ZMYM4: variants seen among roughly 807,000 people sequenced by gnomAD.
ZMYM4 encodes zinc finger MYM-type protein 4.
A neutral mutation model predicts 183.2 loss-of-function variants in ZMYM4; 31 were observed. The observed-to-expected ratio is 0.17, with a 90% CI of 0.13 to 0.23. The LOEUF is 0.23. ZMYM4 is among the 10% of genes least tolerant of loss of function. The probability of loss-of-function intolerance (pLI) is 1.00; values close to 1 mark genes in which losing one functional copy is unlikely to be tolerated. For synonymous variants in ZMYM4, 592 were observed against 631.2 expected, an observed-to-expected ratio of 0.94 and a Z score of 0.93; for missense variants, 1,273 against 1,840.3, an observed-to-expected ratio of 0.69 and a Z score of 5.64.
At chr1:35,379,844 GAGC>G (rs1202025056) in intron 7 of ZMYM4, among the ~76,000 whole-genome samples, 2 of 152,180 alleles carry the variant, frequency 1.3e-5, no homozygotes, top group African/African-American at 4.8e-5. Context: ...CTGGTCAATG[GAGC>G]AGTCAGAACA....
At position 35,419,762 on chromosome 1, in the gene ZMYM4, T is replaced by C; in HGVS notation, c.*85T>C. 1.5e-6 allele frequency: 2 copies of C among 1,360,502 alleles called. No homozygotes were observed. The highest frequency in any genetic ancestry group is 2.1e-6 in the Non-Finnish European group (2 of 973,312). The allele number at this position is 1,360,502 out of a possible 1,614,324, so 84.3% of individuals were successfully genotyped here. A position where few individuals can be genotyped will look rare whatever the true frequency, so the allele number is the denominator to read the frequency against. On this transcript the variant is annotated 3_prime_UTR_variant, in exon 30 of 30. Coordinates refer to ENST00000314607, the MANE Select transcript of ZMYM4 (RefSeq NM_005095.3). ...CAGCTGTTGGAAAATGATGTATAAG[T>C]CTAAGTCCTCTTGACTTGACCATAA...
At chr1:35,377,352 C>T (rs1644357518) in intron 7 of ZMYM4, among the ~76,000 whole-genome samples, 1 of 152,154 alleles carries the variant, frequency 6.6e-6, no homozygotes, top group Admixed American at 6.5e-5. Context: ...AAAAGCAAAG[C>T]AGTCTAGAGC....
intron 2 of ZMYM4, among the ~76,000 whole-genome samples, chr1:35,327,296 T>C (rs1642547091): frequency 6.6e-6 from 1 of 152,244 alleles, no homozygotes; most frequent in Admixed American, 6.5e-5. Flanking sequence ...ATTAAGAACA[T>C]TGAATATGTA....
rs776810502 is a variant in ZMYM4, at chr1:35,347,098, C to T, written c.86-11827C>T. Among the ~76,000 whole-genome samples, 96 of 152,298 alleles carry T rather than the reference C, an allele frequency of 6.3e-4. 1 individual carries two copies. The highest frequency in any genetic ancestry group is 2.6e-4 in the Non-Finnish European group (18 of 68,014). ...TTGGCTCACTGCATCCTCTACCTCC[C>T]GGGTTCAAGCAGTTCTCCTGCCTCA... On this transcript the variant is annotated intron_variant, in intron 2 of 29. Transcript: ENST00000314607.
intron 2 of ZMYM4, among the ~76,000 whole-genome samples, chr1:35,354,445 G>T (rs1423177000): frequency 6.6e-6 from 1 of 152,124 alleles, no homozygotes; most frequent in Non-Finnish European, 1.5e-5. Context: ...GAATTGTTGG[G>T]CTGGGCGTGG....
chr1:35,397,185 A>C (rs990020672), intron 19 of ZMYM4, 192 bp from the exon 20 acceptor site: 7 of 1,078,514 alleles, frequency 6.5e-6, no homozygotes, highest in Non-Finnish European at 8.2e-6. Flanking sequence ...TGAGTGTCCA[A>C]AGCACTTATT....
At chr1:35,360,414 C>T (rs1643910423) in intron 3 of ZMYM4, among the ~76,000 whole-genome samples, 1 of 151,924 alleles carries the variant, frequency 6.6e-6, no homozygotes, top group Non-Finnish European at 1.5e-5. Flanking sequence ...CTATACCAGT[C>T]CTTGTATTTC....
chr1:35,272,869 C>T lies in ZMYM4; in HGVS notation c.39+3784C>T, dbSNP rs137984188. Among the ~76,000 whole-genome samples the T allele has an allele frequency of 4.2e-3, 636 of 152,190 alleles. 3 individuals carry two copies. The highest frequency in any genetic ancestry group is 0.014 in the African/African-American group (576 of 41,526). ...GACTACAGGCTCCCACCACCATGCC[C>T]GGCTAATTTTTTGTTTCTGTATTTT... On this transcript the variant is annotated intron_variant, in intron 1 of 29. Transcript: ENST00000314607.
intron 2 of ZMYM4, among the ~76,000 whole-genome samples, chr1:35,358,510 T>C (rs373338815): frequency 1.2e-4 from 19 of 152,226 alleles, no homozygotes; most frequent in African/African-American, 4.1e-4. Context: ...TGTTAGTAGG[T>C]CTTTTGTACA....
In ZMYM4 at chr1:35,370,118, G is replaced by A; in HGVS notation, c.925+5G>A. 6.2e-7 allele frequency: 1 copy of A among 1,612,422 alleles called. No individual in the cohort carries two copies. The highest frequency in any genetic ancestry group is 2.2e-5 in the East Asian group (1 of 44,810). On this transcript the variant is annotated splice_donor_5th_base_variant and intron_variant, in intron 6 of 29. Coordinates refer to ENST00000314607, the MANE Select transcript of ZMYM4 (RefSeq NM_005095.3). Reference sequence around the variant, plus strand: ...CAGTCAGTGGCAGCCCTCTTGGTAAGAAACAGACCTGAATAAATGGATTGT... The same window carrying A: ...CAGTCAGTGGCAGCCCTCTTGGTAAAAAACAGACCTGAATAAATGGATTGT...
At position 35,269,165 on chromosome 1, in the gene ZMYM4, T is replaced by TGGAGGGGTCGCCGAGGCCC. The variant is rs1048066446; in HGVS notation, c.39+81_39+99dup. ...CGGGAATGGGCCATACTCAGGTTCG[T>TGGAGGGGTCGCCGAGGCCC]GGAGGGGTCGCCGAGGCCCAGTTAG... On this transcript the variant is annotated intron_variant, in intron 1 of 29. Transcript: ENST00000314607. 4 of 1,519,620 alleles carry TGGAGGGGTCGCCGAGGCCC rather than the reference T, an allele frequency of 2.6e-6. No individual in the cohort carries two copies. The African/African-American group carries it at 5.6e-5, about 21-fold the overall frequency. 94.1% of individuals were successfully genotyped at this position (1,519,620 alleles called of 1,614,324 possible).
intron 2 of ZMYM4, among the ~76,000 whole-genome samples, chr1:35,339,674 G>T (rs1352513791): frequency 6.6e-6 from 1 of 152,120 alleles, no homozygotes. Flanking sequence ...TGGAACTAGT[G>T]CCCCATGGAT....
chr1:35,329,511 A>T (rs1434407137), intron 2 of ZMYM4, among the ~76,000 whole-genome samples: 1 of 152,240 alleles, frequency 6.6e-6, no homozygotes, highest in African/African-American at 2.4e-5. Flanking sequence ...CCAACTGGTC[A>T]CTCAGCAATG....
chr1:35,327,623 C>G (rs1642561727), intron 2 of ZMYM4, among the ~76,000 whole-genome samples: 1 of 152,076 alleles, frequency 6.6e-6, no homozygotes, highest in Non-Finnish European at 1.5e-5. Context: ...TATTGTGTGT[C>G]TTTTTTGTTT....
chr1:35,390,811 A>C (rs144570740), intron 15 of ZMYM4, among the ~76,000 whole-genome samples: 278 of 152,378 alleles, frequency 1.8e-3, no homozygotes, highest in African/African-American at 6.0e-3. Context: ...GCTTCCTTAA[A>C]AAATCCTTTG....
chr1:35,405,176 G>C lies in ZMYM4; in HGVS notation c.3682G>C (p.Gly1228Arg), dbSNP rs150069131. The C allele has an allele frequency of 1.7e-5, 28 of 1,613,838 alleles. No homozygotes were observed. Among genetic ancestry groups the C allele is most frequent in the Non-Finnish European group, 2.4e-5 (28 of 1,179,956 alleles). ...GTGGAAAAATGCCAAGGAAGAGCAG[G>C]GGGATCTAAAATGTGGAGGTAAGTG... ...VQWKNAKEEQ[G>R]DLKCGGVEQA... is the part of the protein sequence containing the mutation. Residue 1228 changes from glycine to arginine, a missense_variant, in exon 24 of 30, where the codon GGG becomes CGG. Gly to Arg is a moderately radical substitution (Grantham distance 125). Transcript: ENST00000314607.
intron 26 of ZMYM4, among the ~76,000 whole-genome samples, chr1:35,412,123 C>T (rs1259032420): frequency 6.6e-6 from 1 of 152,070 alleles, no homozygotes; most frequent in African/African-American, 2.4e-5. Context: ...TTGTGATCCG[C>T]CCGCCTTAGC....
At chr1:35,383,137 T>G (rs1644502428) in intron 9 of ZMYM4, among the ~76,000 whole-genome samples, 1 of 152,188 alleles carries the variant, frequency 6.6e-6, no homozygotes, top group African/African-American at 2.4e-5. Context: ...ATGTCTTTTA[T>G]GTAGTTTTGT....
intron 1 of ZMYM4, chr1:35,295,881 A>G (rs890277021): frequency 3.3e-5 from 5 of 152,060 alleles, no homozygotes; most frequent in African/African-American, 7.2e-5. Context: ...AGATTTAGCC[A>G]TTTTTCTGTT....
Sources: gnomAD v4.1 joint callset for allele counts (sites outside exome capture counted in the v4.1 genomes callset) on GRCh38, gnomAD v4.1.1 for gene constraint, MANE v1.5 for transcripts, NCBI Gene and HGNC (gene_info 2026-07-23, HGNC 2026-07-21) for gene names.